SUMF1: variants seen among roughly 807,000 people sequenced by gnomAD.
SUMF1 encodes the protein formylglycine-generating enzyme.
SUMF1 carries 48 observed loss-of-function variants against 47.6 expected under a neutral mutation model. The ratio of observed to expected loss-of-function variants is 1.01; its 90% confidence interval spans 0.80 to 1.28. SUMF1 has a LOEUF of 1.28. Ranked by LOEUF, SUMF1 falls within the 50% of genes most tolerant of loss-of-function variation. The pLI is 0.00. For missense variants in SUMF1, 571 were observed against 485.4 expected (o/e 1.18, Z -1.66); for synonymous variants, 230 against 192.1 (o/e 1.20, Z -1.63).
intron 8 of SUMF1, among the ~76,000 whole-genome samples, chr3:4,287,792 T>C (rs924924765): frequency 2.0e-5 from 3 of 152,248 alleles, no homozygotes; most frequent in Non-Finnish European, 2.9e-5. Flanking sequence ...TTCCTTGTCA[T>C]CTTGTTAGTT....
At chr3:4,224,416 T>C (rs1201244197) in intron 8 of SUMF1, among the ~76,000 whole-genome samples, 1 of 152,010 alleles carries the variant, frequency 6.6e-6, no homozygotes, top group Non-Finnish European at 1.5e-5. Context: ...TTTGGCTCCC[T>C]AGCATATTTT....
intron 3 of SUMF1, among the ~76,000 whole-genome samples, chr3:4,422,043 A>T (rs1233730116): frequency 6.6e-6 from 1 of 152,228 alleles, no homozygotes; most frequent in Non-Finnish European, 1.5e-5. Flanking sequence ...CCCAATTTTT[A>T]AAATATTTCA....
At chr3:4,108,497 T>G (rs1693211444) in intron 8 of SUMF1, among the ~76,000 whole-genome samples, 1 of 152,112 alleles carries the variant, frequency 6.6e-6, no homozygotes, top group African/African-American at 2.4e-5. Flanking sequence ...TCTGTCTTGT[T>G]GATCTGTCTA....
chr3:4,436,432 G>A (rs1255412322), intron 3 of SUMF1, among the ~76,000 whole-genome samples: 1 of 152,080 alleles, frequency 6.6e-6, no homozygotes, highest in Non-Finnish European at 1.5e-5. Flanking sequence ...TATAGACATA[G>A]ATATAGATAT....
intron 8 of SUMF1, among the ~76,000 whole-genome samples, chr3:4,090,287 C>G (rs1266438649): frequency 6.6e-6 from 1 of 152,090 alleles, no homozygotes; most frequent in African/African-American, 2.4e-5. Flanking sequence ...ACACATTCCC[C>G]CATGTCTGCA....
At chr3:4,167,982 T>A (rs1574945008) in intron 8 of SUMF1, among the ~76,000 whole-genome samples, 1 of 152,158 alleles carries the variant, frequency 6.6e-6, no homozygotes, top group Non-Finnish European at 1.5e-5. Context: ...AGAGCCATAG[T>A]CTTATCCAGT....
At chr3:4,040,066 T>A (rs548460843) in intron 9 of SUMF1, among the ~76,000 whole-genome samples, 1 of 152,214 alleles carries the variant, frequency 6.6e-6, no homozygotes, top group South Asian at 2.1e-4. Flanking sequence ...AGAGTAGATC[T>A]TAAGTATTTT....
intron 8 of SUMF1, among the ~76,000 whole-genome samples, chr3:4,244,667 T>C (rs1037336304): frequency 1.3e-5 from 2 of 152,210 alleles, no homozygotes; most frequent in African/African-American, 4.8e-5. Context: ...AACCCGACCT[T>C]TCTCTCTGGC....
intron 7 of SUMF1, 44 bp downstream of exon 7, chr3:4,410,821 A>C: frequency 6.4e-7 from 1 of 1,558,308 alleles, no homozygotes; most frequent in Non-Finnish European, 8.9e-7. Flanking sequence ...CCCAGAGGAC[A>C]GATGCCACCA....
At chr3:4,367,145 A>C (rs1367253145) in intron 8 of SUMF1, among the ~76,000 whole-genome samples, 1 of 152,114 alleles carries the variant, frequency 6.6e-6, no homozygotes, top group African/African-American at 2.4e-5. Context: ...GGTGCCTCAC[A>C]GTTAGGCTGC....
chr3:4,069,244 C>T (rs1695457557), intron 8 of SUMF1, among the ~76,000 whole-genome samples: 1 of 152,084 alleles, frequency 6.6e-6, no homozygotes. Flanking sequence ...TCCATGGGGG[C>T]AGTGATCCGT....
At chr3:4,061,925 A>G (rs1695282767) in intron 9 of SUMF1, among the ~76,000 whole-genome samples, 1 of 152,076 alleles carries the variant, frequency 6.6e-6, no homozygotes, top group African/African-American at 2.4e-5. Flanking sequence ...ACGGGTAATG[A>G]TGATGCTATA....
intron 8 of SUMF1, among the ~76,000 whole-genome samples, chr3:4,179,846 A>G (rs1695053333): frequency 6.6e-6 from 1 of 152,216 alleles, no homozygotes; most frequent in Non-Finnish European, 1.5e-5. Flanking sequence ...CAAATTTACA[A>G]GAAAAAAACA....
chr3:4,390,490 G>A (rs910842696), intron 7 of SUMF1, among the ~76,000 whole-genome samples: 13 of 152,160 alleles, frequency 8.5e-5, no homozygotes, highest in Admixed American at 4.6e-4. Context: ...CCTTTGGCTA[G>A]AGAGAACAGG....
At chr3:4,152,667 C>T (rs1694363649) in intron 8 of SUMF1, among the ~76,000 whole-genome samples, 1 of 151,362 alleles carries the variant, frequency 6.6e-6, no homozygotes, top group Admixed American at 6.6e-5. Context: ...AGCTTCAATA[C>T]AAATAACTTA....
At chr3:4,196,445 T>C (rs1415630408) in intron 8 of SUMF1, among the ~76,000 whole-genome samples, 2 of 152,074 alleles carry the variant, frequency 1.3e-5, no homozygotes, top group East Asian at 3.9e-4. Flanking sequence ...CACTGCAATT[T>C]TCTGGAAGGA....
chr3:4,225,101 T>C (rs1006223636), intron 8 of SUMF1, among the ~76,000 whole-genome samples: 2 of 142,128 alleles, frequency 1.4e-5, no homozygotes, highest in Non-Finnish European at 3.0e-5. Context: ...AAGGGAGCAT[T>C]TGAAGGAGAA....
At chr3:4,412,323 A>C (rs533326770) in intron 6 of SUMF1, among the ~76,000 whole-genome samples, 5 of 152,346 alleles carry the variant, frequency 3.3e-5, no homozygotes, top group African/African-American at 9.6e-5. Flanking sequence ...AGAGGGAAAT[A>C]AAATGTCAGA....
intron 8 of SUMF1, among the ~76,000 whole-genome samples, chr3:4,111,446 G>A (rs377123013): frequency 2.0e-5 from 3 of 152,012 alleles, no homozygotes; most frequent in South Asian, 2.1e-4. Flanking sequence ...TCGGCCGGGC[G>A]CAGTGACTCA....
Sources: gnomAD v4.1 joint callset for allele counts (sites outside exome capture counted in the v4.1 genomes callset) on GRCh38, gnomAD v4.1.1 for gene constraint, MANE v1.5 for transcripts, NCBI Gene and HGNC (gene_info 2026-07-23, HGNC 2026-07-21) for gene names.